Variants in POLR3A observed in about 807,000 individuals in gnomAD.
The protein encoded by POLR3A is RNA polymerase III subunit A.
POLR3A carries 112 observed loss-of-function variants against 152.8 expected under a neutral mutation model. The ratio of observed to expected loss-of-function variants is 0.73; its 90% CI spans 0.63 to 0.86. The LOEUF (loss-of-function observed/expected upper bound fraction) is 0.86, where lower values mean the gene tolerates loss of function less well. POLR3A is among the 40% of genes least tolerant of loss of function. The pLI is 0.00. For missense variants in POLR3A, 1,385 were observed against 1,743.1 expected (o/e 0.79, Z 3.66); for synonymous variants, 615 against 652.1 (o/e 0.94, Z 0.87).
chr10:77,977,518 A>G lies in POLR3A; in HGVS notation c.4133T>C (p.Ile1378Thr). The part of the protein sequence containing the change: ...RDPNPPKRPL[I>T]FDTNEFHIPL... ...GATGTGGAATTCATTTGTGTCGAAGATCAGGGGCCTCTTGGGAGGGTTCGG... is the reference window on the plus strand; with the variant it reads ...GATGTGGAATTCATTTGTGTCGAAGGTCAGGGGCCTCTTGGGAGGGTTCGG... The change falls in exon 31 of 31, where the codon ATC becomes ACC. Residue 1378 changes from isoleucine (I) to threonine (T), a missense_variant. Transcript: ENST00000372371. The G allele has an allele frequency of 6.2e-7, 1 of 1,614,078 alleles. No individual in the cohort carries two copies.
chr10:77,978,824 C>G (rs191024826), intron 30 of POLR3A, among the ~76,000 whole-genome samples: 1,738 of 151,870 alleles, frequency 0.011, 41 homozygotes, highest in African/African-American at 0.04. Context: ...CCGTGCCCAG[C>G]TAATTTTTAT....
intron 16 of POLR3A, among the ~76,000 whole-genome samples, chr10:78,003,017 GTCTT>G (rs748940119): frequency 5.9e-5 from 9 of 152,202 alleles, no homozygotes; most frequent in Non-Finnish European, 1.0e-4. Flanking sequence ...TTGTAAATTT[GTCTT>G]TCTACTTTTT....
intron 19 of POLR3A, among the ~76,000 whole-genome samples, chr10:77,996,456 G>A (rs1458668907): frequency 6.6e-6 from 1 of 152,072 alleles, no homozygotes; most frequent in Non-Finnish European, 1.5e-5. Context: ...TCAAATAGAT[G>A]CAATAAAAAA....
chr10:77,979,672 G>A (rs567337445), intron 30 of POLR3A, among the ~76,000 whole-genome samples: 57 of 152,190 alleles, frequency 3.7e-4, no homozygotes, highest in Non-Finnish European at 7.3e-4. Flanking sequence ...CACACCCCAC[G>A]GGTGGGTAGA....
chr10:78,009,960 G>T lies in POLR3A; in HGVS notation c.1674C>A (p.Phe558Leu). Residue 558 changes from phenylalanine to leucine, a missense_variant, in exon 13 of 31, where the codon TTC becomes TTA. Around this residue, in one of 7 missense-constraint regions of POLR3A, gnomAD observed 188 missense variants for 179.9 expected, o/e 1.04. Coordinates refer to ENST00000372371, the MANE Select transcript of POLR3A (RefSeq NM_007055.4). Reference protein sequence around the residue: ...GAYLLTLKDTFFDRAKACQII... With the variant: ...GAYLLTLKDTLFDRAKACQII... ...TTTGGCAAGCCTTGGCTCGATCAAA[G>T]AAAGTGTCCTTGAGAGTGAGGAGAT... The T allele has an allele frequency of 3.1e-6, 5 of 1,614,188 alleles. No individual in the cohort carries two copies. Among genetic ancestry groups the T allele is most frequent in the Non-Finnish European group, 4.2e-6 (5 of 1,180,020 alleles).
In POLR3A at chr10:77,985,888, C is replaced by A. The variant is rs762615091; in HGVS notation, c.3071+15G>T. 1.7e-5 allele frequency: 28 copies of A among 1,605,352 alleles called. No homozygotes were observed. The highest frequency in any genetic ancestry group is 1.6e-4 in the Middle Eastern group (1 of 6,066). The stretch of plus-strand genomic sequence containing the variant: ...TATGTGGATGACCGTCAGTCCAAGA[C>A]AAAAGCATCCCTACCTCATGTACTT... On this transcript the variant is annotated intron_variant, in intron 23 of 30. Transcript: ENST00000372371.
chr10:78,015,294 G>A (rs1847507788), intron 10 of POLR3A, among the ~76,000 whole-genome samples: 1 of 152,132 alleles, frequency 6.6e-6, no homozygotes, highest in African/African-American at 2.4e-5. Flanking sequence ...AAGTTCATTA[G>A]ACCATTCTTT....
Position 78,007,886 on chromosome 10 carries a change from T to C in POLR3A, c.1910-20A>G. 6.2e-7 allele frequency: 1 copy of C among 1,601,492 alleles called. No homozygotes were observed. The highest frequency in any genetic ancestry group is 1.1e-5 in the South Asian group (1 of 90,834). On this transcript the variant is annotated intron_variant, in intron 14 of 30. Coordinates refer to ENST00000372371, the MANE Select transcript of POLR3A (RefSeq NM_007055.4). ...TAACATCTGGAAGAATGATTATATA[T>C]TTAGACAACAATTATTTATTACTTT...
At chr10:78,028,041 T>A (rs962620264) in intron 1 of POLR3A, among the ~76,000 whole-genome samples, 2 of 152,248 alleles carry the variant, frequency 1.3e-5, no homozygotes, top group African/African-American at 4.8e-5. Flanking sequence ...ACACCTGTTC[T>A]AGTGAATGGC....
intron 1 of POLR3A, among the ~76,000 whole-genome samples, chr10:78,026,616 T>C (rs1847637080): frequency 6.6e-6 from 1 of 152,248 alleles, no homozygotes; most frequent in South Asian, 2.1e-4. Context: ...GGCTGCTCCT[T>C]GTACAGTCTC....
intron 8 of POLR3A, chr10:78,019,741 G>A (rs1175905509): frequency 5.2e-6 from 1 of 191,174 alleles, no homozygotes; most frequent in Non-Finnish European, 1.1e-5. Flanking sequence ...TGGATCATTA[G>A]TAACTCAACT....
intron 14 of POLR3A, among the ~76,000 whole-genome samples, chr10:78,008,974 G>A (rs1181702979): frequency 6.6e-6 from 1 of 151,684 alleles, no homozygotes; most frequent in African/African-American, 2.4e-5. Context: ...CCAACACGGT[G>A]AAACCCCGTC....
chr10:78,014,112 G>A (rs1417242219), intron 10 of POLR3A, among the ~76,000 whole-genome samples: 3 of 151,360 alleles, frequency 2.0e-5, no homozygotes, highest in South Asian at 2.1e-4. Flanking sequence ...AGCCAAGATC[G>A]CGCCATTGCA....
chr10:77,976,745 A>T lies in POLR3A; in HGVS notation c.*733T>A, dbSNP rs1332626957. 6.6e-6 allele frequency: 1 copy of T among 152,314 alleles called. No homozygotes were observed. Among genetic ancestry groups the T allele is most frequent in the Non-Finnish European group, 1.5e-5 (1 of 68,156 alleles). The allele number at this position is 152,314 out of a possible 1,614,324, so 9.4% of individuals were successfully genotyped here. A position where few individuals can be genotyped will look rare whatever the true frequency, so the allele number is the denominator to read the frequency against. On this transcript the variant is annotated 3_prime_UTR_variant, in exon 31 of 31. Coordinates refer to ENST00000372371, the MANE Select transcript of POLR3A (RefSeq NM_007055.4). ...GGCTCTTGTCACAGGGTAGAGCCCC[A>T]TGATAGGGGTCTGAGGTAGATGAAA...
At position 78,018,654 on chromosome 10, in the gene POLR3A, C is replaced by A. The variant is rs971859697; in HGVS notation, c.1289+508G>T. On this transcript the variant is annotated intron_variant, in intron 9 of 30. Coordinates refer to ENST00000372371, the MANE Select transcript of POLR3A (RefSeq NM_007055.4). Reference sequence around the variant, plus strand: ...CTGGAGTGCAGTGGTGTGATCTCAGCTCACTGCAACCTCTGCCTCCTGGGT... The same window carrying A: ...CTGGAGTGCAGTGGTGTGATCTCAGATCACTGCAACCTCTGCCTCCTGGGT... Among the ~76,000 whole-genome samples, 14 of 152,258 alleles carry A rather than the reference C, an allele frequency of 9.2e-5. No homozygotes were observed. The South Asian group carries it at 2.9e-3, about 32-fold the overall frequency.
intron 19 of POLR3A, among the ~76,000 whole-genome samples, chr10:77,996,013 A>G (rs892682994): frequency 1.3e-5 from 2 of 152,174 alleles, no homozygotes; most frequent in Non-Finnish European, 2.9e-5. Flanking sequence ...AAACTCACTC[A>G]AAACCGCTCA....
In POLR3A at chr10:78,029,472, G is replaced by C; in HGVS notation, c.-65C>G. The C allele has an allele frequency of 6.5e-7, 1 of 1,549,244 alleles. No homozygotes were observed. Among genetic ancestry groups the C allele is most frequent in the Non-Finnish European group, 8.9e-7 (1 of 1,123,026 alleles). On this transcript the variant is annotated 5_prime_UTR_variant, in exon 1 of 31. Transcript: ENST00000372371. The stretch of plus-strand genomic sequence containing the variant: ...CCAGATTAGAGAAACGATGCCCCCA[G>C]CACCTCCTGGGGCTGCTTCTGGACT...
chr10:78,024,680 G>A lies in POLR3A; in HGVS notation c.514C>T (p.Leu172=), dbSNP rs753421261. 6.2e-7 allele frequency: 1 copy of A among 1,613,608 alleles called. No homozygotes were observed. Among genetic ancestry groups the A allele is most frequent in the Non-Finnish European group, 8.5e-7 (1 of 1,179,588 alleles). ...FNGTVKKCGL[L]KIIHEKYKTN... The stretch of plus-strand genomic sequence containing the variant: ...TTGTATTTCTCATGAATTATTTTCA[G>A]CAGTCCACACTTCTTTACGGTACCT... Residue 172 remains leucine, a synonymous_variant, in exon 5 of 31, where the codon CTG becomes TTG. Coordinates refer to ENST00000372371, the MANE Select transcript of POLR3A (RefSeq NM_007055.4).
chr10:78,023,894 T>A (rs550217898), intron 5 of POLR3A, among the ~76,000 whole-genome samples: 11 of 151,760 alleles, frequency 7.2e-5, no homozygotes, highest in Non-Finnish European at 1.6e-4. Flanking sequence ...TCCCAGCACT[T>A]TGGAAGGCTG....
Sources: gnomAD v4.1 joint callset for allele counts (sites outside exome capture counted in the v4.1 genomes callset) on GRCh38, gnomAD v4.1.1 for gene constraint, gnomAD v4.1.1 regional missense constraint, MANE v1.5 for transcripts, NCBI Gene and HGNC (gene_info 2026-07-23, HGNC 2026-07-21) for gene names.